Variants in GSK3B observed in about 807,000 individuals in gnomAD.
GSK3B encodes the protein glycogen synthase kinase 3 beta.
In GSK3B, 15 loss-of-function variants were observed where a neutral mutation model predicts 56.4. The observed-to-expected ratio is 0.27, with a 90% CI of 0.18 to 0.41. The LOEUF is 0.41. Ranked by LOEUF, GSK3B falls within the 10% of genes least tolerant of loss-of-function variation. The pLI, the probability that GSK3B is intolerant of heterozygous loss-of-function variation, is 1.00. For synonymous variants in GSK3B, 181 were observed against 188.9 expected, an observed-to-expected ratio of 0.96 and a Z score of 0.34; for missense variants, 300 against 513.4, an observed-to-expected ratio of 0.58 and a Z score of 4.02.
chr3:120,025,348 T>C, intron 1 of GSK3B, among the ~76,000 whole-genome samples: 1 of 152,152 alleles, frequency 6.6e-6, no homozygotes, highest in Non-Finnish European at 1.5e-5. Flanking sequence ...GTTCTCAGTT[T>C]GTTCTTAGCA....
In GSK3B at chr3:120,032,771, C is replaced by A. The variant is rs569700029; in HGVS notation, c.89-30532G>T. 7.9e-5 allele frequency among the ~76,000 whole-genome samples: 12 copies of A among 152,376 alleles called. No homozygotes were observed. The South Asian group carries it at 2.1e-3, about 26-fold the overall frequency. ...ATATATATTCTACTTTATAACATCTCATGTTAGTTAAATATTCCAATATGT... is the reference window on the plus strand; with the variant it reads ...ATATATATTCTACTTTATAACATCTAATGTTAGTTAAATATTCCAATATGT... On this transcript the variant is annotated intron_variant, in intron 1 of 10. Coordinates refer to ENST00000264235, the MANE Select transcript of GSK3B (RefSeq NM_001146156.2).
chr3:119,888,476 CTTTTT>C (rs56084031), intron 7 of GSK3B, among the ~76,000 whole-genome samples: 135,897 of 151,800 alleles, frequency 0.9, 60,941 homozygotes, highest in Admixed American at 0.93. Flanking sequence ...TTATGCCTGT[CTTTTT>C]TTTACTTTAA....
intron 1 of GSK3B, among the ~76,000 whole-genome samples, chr3:120,070,672 G>T (rs1197468365): frequency 6.6e-6 from 1 of 152,062 alleles, no homozygotes. Flanking sequence ...AATATACAAA[G>T]CAAATGATGT....
At chr3:120,089,178 T>A (rs1164986226) in intron 1 of GSK3B, among the ~76,000 whole-genome samples, 2 of 152,244 alleles carry the variant, frequency 1.3e-5, no homozygotes, top group African/African-American at 2.4e-5. Context: ...CAGTTCCCAA[T>A]CAGCCATAAG....
intron 10 of GSK3B, among the ~76,000 whole-genome samples, chr3:119,833,458 T>C (rs1218680003): frequency 6.6e-6 from 1 of 152,150 alleles, no homozygotes; most frequent in East Asian, 1.9e-4. Context: ...TATTCTCTAA[T>C]ATAGTAGCTG....
chr3:119,948,418 C>T (rs776420164), intron 2 of GSK3B, among the ~76,000 whole-genome samples: 2 of 152,098 alleles, frequency 1.3e-5, no homozygotes, highest in Non-Finnish European at 2.9e-5. Flanking sequence ...ACTGACCTTT[C>T]GGAGTTGGGC....
intron 9 of GSK3B, among the ~76,000 whole-genome samples, chr3:119,849,811 T>C (rs1214961520): frequency 6.6e-6 from 1 of 152,046 alleles, no homozygotes; most frequent in Non-Finnish European, 1.5e-5. Context: ...TATACTTTAT[T>C]TTTTTATTTT....
At chr3:119,887,045 G>C (rs2056444813) in intron 7 of GSK3B, among the ~76,000 whole-genome samples, 1 of 152,026 alleles carries the variant, frequency 6.6e-6, no homozygotes, top group South Asian at 2.1e-4. Context: ...TAATAACAGA[G>C]GTCTTTAGCA....
At chr3:120,049,393 A>C (rs557126950) in intron 1 of GSK3B, among the ~76,000 whole-genome samples, 370 of 152,344 alleles carry the variant, frequency 2.4e-3, no homozygotes, top group African/African-American at 7.9e-3. Flanking sequence ...TAAATACAAC[A>C]AAAGCGGTAG....
chr3:119,959,933 G>A (rs1312103402), intron 2 of GSK3B, among the ~76,000 whole-genome samples: 1 of 151,668 alleles, frequency 6.6e-6, no homozygotes, highest in Non-Finnish European at 1.5e-5. Context: ...TGCACTCTTG[G>A]GCATATGTTT....
intron 6 of GSK3B, among the ~76,000 whole-genome samples, chr3:119,911,180 G>A (rs1303037413): frequency 6.6e-6 from 1 of 152,164 alleles, no homozygotes; most frequent in Admixed American, 6.5e-5. Context: ...ATCTAGGGCA[G>A]CTATAGCCTT....
At chr3:119,940,786 A>G (rs938702380) in intron 3 of GSK3B, among the ~76,000 whole-genome samples, 6 of 152,294 alleles carry the variant, frequency 3.9e-5, no homozygotes, top group African/African-American at 1.4e-4. Flanking sequence ...ATTTTAGAAG[A>G]GTCACATACT....
intron 10 of GSK3B, among the ~76,000 whole-genome samples, chr3:119,829,043 C>T (rs909735664): frequency 4.6e-5 from 7 of 152,144 alleles, no homozygotes; most frequent in African/African-American, 1.7e-4. Flanking sequence ...CCAGGCTGAC[C>T]ACCTTTTCTA....
chr3:120,020,217 A>C (rs2107508450), intron 1 of GSK3B, among the ~76,000 whole-genome samples: 1 of 152,340 alleles, frequency 6.6e-6, no homozygotes, highest in Non-Finnish European at 1.5e-5. Context: ...CCATTTCTGC[A>C]AGGGACACCA....
intron 7 of GSK3B, among the ~76,000 whole-genome samples, chr3:119,890,376 C>T (rs987370379): frequency 6.6e-6 from 1 of 151,922 alleles, no homozygotes; most frequent in African/African-American, 2.4e-5. Context: ...GCAAAAAAAG[C>T]CAGATACAAA....
intron 2 of GSK3B, among the ~76,000 whole-genome samples, chr3:119,965,533 C>T (rs2057311333): frequency 6.6e-6 from 1 of 151,656 alleles, no homozygotes. Flanking sequence ...TTTCTGATGA[C>T]ACTAAAAAAG....
chr3:119,954,278 AGAATAGAATAGAATAGAATAGAAT>A (rs1436773009), intron 2 of GSK3B, among the ~76,000 whole-genome samples: 66 of 147,096 alleles, frequency 4.5e-4, no homozygotes, highest in Non-Finnish European at 8.1e-4. Context: ...AGAATAGAAT[AGAATAGAATAGAATAGAATAGAAT>A]AGAAAAGAAA....
rs79095971 is a variant in GSK3B at position 119,870,089 on chromosome 3, T to C, written c.909+6324A>G. ...CCAGGCTATAACAATTCCTAACCTTTTCTACACCTAGGCAAATCTTAAACC... is the reference window on the plus strand; with the variant it reads ...CCAGGCTATAACAATTCCTAACCTTCTCTACACCTAGGCAAATCTTAAACC... On this transcript the variant is annotated intron_variant, in intron 8 of 10. Transcript: ENST00000264235. Among the ~76,000 whole-genome samples, 1,257 of 152,298 alleles carry C rather than the reference T, an allele frequency of 8.3e-3. 5 individuals carry two copies. Among genetic ancestry groups the C allele is most frequent in the Non-Finnish European group, 0.013 (900 of 68,020 alleles).
At chr3:119,954,315 G>GAATAGAATAGAATAGAAAAGA (rs879721657) in intron 2 of GSK3B, among the ~76,000 whole-genome samples, 4 of 128,790 alleles carry the variant, frequency 3.1e-5, no homozygotes, top group South Asian at 2.3e-4. Context: ...AAAAGAAACA[G>GAATAGAATAGAATAGAAAAGA]AACAGAACAG....
Sources: allele counts gnomAD v4.1 joint callset (sites outside exome capture counted in the v4.1 genomes callset), GRCh38; gene constraint gnomAD v4.1.1; transcripts MANE v1.5; gene names NCBI Gene and HGNC (gene_info 2026-07-23, HGNC 2026-07-21).